Variants in PDE6A observed in about 807,000 individuals in gnomAD.
PDE6A encodes phosphodiesterase 6A, also known as rod cGMP-specific 3',5'-cyclic phosphodiesterase subunit alpha.
In PDE6A, 84 loss-of-function variants were observed where a neutral mutation model predicts 106.3. That is an observed-to-expected ratio of 0.79 (90% CI 0.66 to 0.95). The LOEUF is 0.95. Among genes scored for constraint, PDE6A ranks in the 40% least tolerant of loss-of-function variants. The pLI is 0.00. For missense variants in PDE6A, 1,052 were observed against 1,084.9 expected (o/e 0.97, Z 0.43); for synonymous variants, 394 against 386.6 (o/e 1.02, Z -0.23).
intron 10 of PDE6A, among the ~76,000 whole-genome samples, chr5:149,897,582 T>C (rs923717418): frequency 2.0e-5 from 3 of 152,114 alleles, no homozygotes; most frequent in African/African-American, 7.2e-5. Context: ...CATTAGCCTG[T>C]CTTTATTTTT....
chr5:149,909,939 G>A lies in PDE6A; in HGVS notation c.999-2561C>T, dbSNP rs189987923. Among the ~76,000 whole-genome samples, 7 of 152,134 alleles carry A rather than the reference G, an allele frequency of 4.6e-5. No homozygotes were observed. In the East Asian group the frequency reaches 1.2e-3, roughly 25 times the overall value. ...GCAGTGTTCTATCTATATTTATTAG[G>A]TTAAATTCATTAATTGGATTATTCA... On this transcript the variant is annotated intron_variant, in intron 6 of 21. Transcript: ENST00000255266.
intron 14 of PDE6A, 22 bp downstream of exon 14, chr5:149,886,243 G>T (rs569313193): frequency 2.6e-6 from 4 of 1,523,220 alleles, no homozygotes; most frequent in East Asian, 2.2e-5. Flanking sequence ...AGGGTTGGGT[G>T]TGGGGAGGGA....
chr5:149,867,691 C>G (rs1760381091), intron 19 of PDE6A, 34 bp downstream of exon 19: 1 of 1,589,696 alleles, frequency 6.3e-7, no homozygotes, highest in Middle Eastern at 1.7e-4. Flanking sequence ...AGCACACACA[C>G]CTAACATCAG....
Position 149,931,112 on chromosome 5 carries a change from C to T in PDE6A, c.774G>A (p.Gln258=), listed in dbSNP as rs759105232. The stretch of plus-strand genomic sequence containing the variant: ...GGACTGTGTACAGGGCTTTGTGGAA[C>T]TGTCGTTCGATGTCCGTAAGTTCTT... The part of the protein sequence containing the change: ...VFEELTDIER[Q]FHKALYTVRA... The change falls in exon 4 of 22, where the codon CAG becomes CAA. Residue 258 remains glutamine (Q), a synonymous_variant. Coordinates refer to ENST00000255266, the MANE Select transcript of PDE6A (RefSeq NM_000440.3). The T allele has an allele frequency of 1.5e-5, 25 of 1,614,168 alleles. No homozygotes were observed. Among genetic ancestry groups the T allele is most frequent in the Non-Finnish European group, 2.0e-5 (24 of 1,179,998 alleles).
intron 6 of PDE6A, among the ~76,000 whole-genome samples, chr5:149,914,376 T>C (rs561835844): frequency 6.6e-6 from 1 of 151,924 alleles, no homozygotes; most frequent in East Asian, 1.9e-4. Flanking sequence ...CTTTTGGAAG[T>C]TGATAATGTA....
chr5:149,864,018 C>A (rs919761512), intron 20 of PDE6A, among the ~76,000 whole-genome samples: 1 of 152,080 alleles, frequency 6.6e-6, no homozygotes, highest in African/African-American at 2.4e-5. Context: ...CTCTTCTGGC[C>A]CCCTAGTGGA....
Position 149,884,278 on chromosome 5 carries a change from GTGTATATATGTGTATATA to G in PDE6A, c.2027+183_2027+200del, listed in dbSNP as rs1167877413. 3.0e-3 allele frequency among the ~76,000 whole-genome samples: 417 copies of G among 137,418 alleles called. 4 individuals are homozygous for G. The highest frequency in any genetic ancestry group is 8.8e-3 in the African/African-American group (314 of 35,800). The allele number at this position is 137,418 out of a possible 152,430, so 90.2% of individuals were successfully genotyped here. A position where few individuals can be genotyped will look rare whatever the true frequency, so the allele number is the denominator to read the frequency against. On this transcript the variant is annotated intron_variant, in intron 16 of 21. Coordinates refer to ENST00000255266, the MANE Select transcript of PDE6A (RefSeq NM_000440.3). ...TATATGTGTATATATATGTATATAT[GTGTATATATGTGTATATA>G]TGTATATATGTGTATATATGTATAT...
chr5:149,865,404 G>T (rs1760292399), intron 20 of PDE6A, among the ~76,000 whole-genome samples: 1 of 120,208 alleles, frequency 8.3e-6, no homozygotes, highest in African/African-American at 4.0e-5. Flanking sequence ...AATGAGACCT[G>T]TCTCAAAGAA....
At chr5:149,911,527 C>T (rs1753385723) in intron 6 of PDE6A, among the ~76,000 whole-genome samples, 2 of 152,116 alleles carry the variant, frequency 1.3e-5, no homozygotes, top group Non-Finnish European at 2.9e-5. Context: ...CGAGTTCACA[C>T]CTAGGCAATA....
intron 11 of PDE6A, 45 bp downstream of exon 11, chr5:149,896,666 G>C (rs1752764407): frequency 6.2e-7 from 1 of 1,613,854 alleles, no homozygotes; most frequent in Non-Finnish European, 8.5e-7. Context: ...GGAGCACTTT[G>C]CACTTGTTAT....
chr5:149,927,369 G>A, intron 4 of PDE6A, among the ~76,000 whole-genome samples: 1 of 152,036 alleles, frequency 6.6e-6, no homozygotes, highest in Non-Finnish European at 1.5e-5. Flanking sequence ...GGACACTTAG[G>A]CTACACCAAA....
intron 13 of PDE6A, among the ~76,000 whole-genome samples, chr5:149,887,883 T>C (rs1382542072): frequency 6.6e-6 from 1 of 152,280 alleles, no homozygotes; most frequent in East Asian, 1.9e-4. Context: ...TAAGCAGCGG[T>C]GGGCTCTGGC....
intron 4 of PDE6A, among the ~76,000 whole-genome samples, chr5:149,922,707 A>T (rs1162785487): frequency 6.6e-6 from 1 of 152,238 alleles, no homozygotes; most frequent in East Asian, 1.9e-4. Flanking sequence ...TTGCTTTTGT[A>T]ATCAGGAAAA....
chr5:149,934,721 A>G lies in PDE6A; in HGVS notation c.475-3T>C. On this transcript the variant is annotated splice_polypyrimidine_tract_variant and splice_region_variant and intron_variant, in intron 1 of 21. Coordinates refer to ENST00000255266, the MANE Select transcript of PDE6A (RefSeq NM_000440.3). ...ACAAAGTCACAGAAATGCTCATCCTAAAGGAAGGCAGAGATAAGCACGGAC... is the reference window on the plus strand; with the variant it reads ...ACAAAGTCACAGAAATGCTCATCCTGAAGGAAGGCAGAGATAAGCACGGAC... The G allele has an allele frequency of 6.2e-7, 1 of 1,613,630 alleles. No homozygotes were observed. Among genetic ancestry groups the G allele is most frequent in the Non-Finnish European group, 8.5e-7 (1 of 1,179,996 alleles).
chr5:149,873,818 A>G (rs1760641184), intron 17 of PDE6A, among the ~76,000 whole-genome samples: 1 of 152,126 alleles, frequency 6.6e-6, no homozygotes, highest in South Asian at 2.1e-4. Context: ...TTGATGAAGA[A>G]TAGGAAGTCA....
chr5:149,868,219 A>G (rs1760404665), intron 17 of PDE6A, 61 bp from the exon 18 acceptor site: 1 of 1,499,496 alleles, frequency 6.7e-7, no homozygotes, highest in Non-Finnish European at 9.3e-7. Flanking sequence ...GTACTGGTTA[A>G]TTCCATCTCT....
chr5:149,924,839 A>G (rs1753827570), intron 4 of PDE6A, among the ~76,000 whole-genome samples: 1 of 152,218 alleles, frequency 6.6e-6, no homozygotes, highest in South Asian at 2.1e-4. Context: ...AGATGCTGTG[A>G]GCAGCTAAGA....
Position 149,868,423 on chromosome 5 carries a change from C to T in PDE6A, c.2136-265G>A, listed in dbSNP as rs1010532685. Among the ~76,000 whole-genome samples the T allele has an allele frequency of 3.9e-5, 6 of 152,198 alleles. No individual in the cohort carries two copies. In the South Asian group the frequency reaches 8.3e-4, roughly 21 times the overall value. On this transcript the variant is annotated intron_variant, in intron 17 of 21. Coordinates refer to ENST00000255266, the MANE Select transcript of PDE6A (RefSeq NM_000440.3). Reference sequence around the variant, plus strand: ...CCATTTCCCTGTCTGTAATGATAATCGTACCTTACTCACAAAACAGGTATA... The same window carrying T: ...CCATTTCCCTGTCTGTAATGATAATTGTACCTTACTCACAAAACAGGTATA...
In PDE6A at chr5:149,930,227, C is replaced by A. The variant is rs112710651; in HGVS notation, c.858+801G>T. Among the ~76,000 whole-genome samples, 290 of 152,340 alleles carry A rather than the reference C, an allele frequency of 1.9e-3. 1 individual carries two copies. The highest frequency in any genetic ancestry group is 6.8e-3 in the African/African-American group (284 of 41,570). On this transcript the variant is annotated intron_variant, in intron 4 of 21. Transcript: ENST00000255266. ...GATGAACTGCCAAGTTTGGGAGCCT[C>A]TGGACTATATCCAAGGGCTTTTCCA...
Sources: allele counts gnomAD v4.1 joint callset (sites outside exome capture counted in the v4.1 genomes callset), GRCh38; gene constraint gnomAD v4.1.1; transcripts MANE v1.5; gene names NCBI Gene and HGNC (gene_info 2026-07-23, HGNC 2026-07-21).